The following MDGA2 variants were observed in gnomAD, a reference collection of about 807,000 sequenced individuals.
The protein encoded by MDGA2 is MAM domain-containing glycosylphosphatidylinositol anchor protein 2.
In MDGA2, 40 loss-of-function variants were observed where a neutral mutation model predicts 117.8. The ratio of observed to expected loss-of-function variants is 0.34; its 90% CI spans 0.26 to 0.44. The LOEUF (loss-of-function observed/expected upper bound fraction) is 0.44. MDGA2 is among the 20% of genes least tolerant of loss of function. MDGA2 has a pLI of 1.00. For missense variants in MDGA2, 1,123 were observed against 1,250.6 expected, an observed-to-expected ratio of 0.90 and a Z score of 1.54; for synonymous variants, 452 against 439.0, an observed-to-expected ratio of 1.03 and a Z score of -0.37.
rs1393262652 is a variant in MDGA2 at position 47,433,024 on chromosome 14, C to T, written c.281-131474G>A. ...AGAGGAATGACTCTCCAGGAGCTGT[C>T]CCTGTGGTCACATGAGGAAGGCATG... On this transcript the variant is annotated intron_variant, in intron 1 of 16. Coordinates refer to ENST00000399232, the MANE Select transcript of MDGA2 (RefSeq NM_001113498.3). Among the ~76,000 whole-genome samples, 4 of 151,980 alleles carry T rather than the reference C, an allele frequency of 2.6e-5. No homozygotes were observed. In the East Asian group the frequency reaches 7.7e-4, roughly 29 times the overall value.
chr14:46,899,563 T>C (rs1351229035), intron 10 of MDGA2, among the ~76,000 whole-genome samples: 2 of 151,146 alleles, frequency 1.3e-5, no homozygotes, highest in African/African-American at 4.9e-5. Context: ...ACCAAGAATA[T>C]GGGGCTCACA....
chr14:46,898,175 A>G (rs961550520), intron 10 of MDGA2, among the ~76,000 whole-genome samples: 1 of 152,136 alleles, frequency 6.6e-6, no homozygotes, highest in African/African-American at 2.4e-5. Flanking sequence ...ATAATCAGTA[A>G]GAAAAATATT....
intron 3 of MDGA2, among the ~76,000 whole-genome samples, chr14:47,145,684 T>C (rs998126090): frequency 6.6e-6 from 1 of 152,164 alleles, no homozygotes; most frequent in Non-Finnish European, 1.5e-5. Context: ...ATGATAATGA[T>C]ACCATATTAT....
rs1893486105 is a variant in MDGA2, at chr14:47,461,494, A to G, written c.281-159944T>C. 1.3e-5 allele frequency among the ~76,000 whole-genome samples: 2 copies of G among 152,156 alleles called. 1 individual carries two copies. The highest frequency in any genetic ancestry group is 4.1e-4 in the South Asian group (2 of 4,834). On this transcript the variant is annotated intron_variant, in intron 1 of 16. Transcript: ENST00000399232. Reference sequence around the variant, plus strand: ...GTTTTACTAACAGAATAGCACTGTGAAAAAATGGAAGCAATTTAAATTTTC... The same window carrying G: ...GTTTTACTAACAGAATAGCACTGTGGAAAAATGGAAGCAATTTAAATTTTC...
intron 1 of MDGA2, among the ~76,000 whole-genome samples, chr14:47,365,832 T>C (rs1891219810): frequency 6.6e-6 from 1 of 152,234 alleles, no homozygotes; most frequent in African/African-American, 2.4e-5. Flanking sequence ...TATTTATAGC[T>C]ATAGTATGGC....
chr14:47,464,530 C>T (rs1178259945), intron 1 of MDGA2, among the ~76,000 whole-genome samples: 2 of 152,144 alleles, frequency 1.3e-5, no homozygotes, highest in African/African-American at 2.4e-5. Flanking sequence ...CCTGCCTATG[C>T]ATCAACAACA....
intron 1 of MDGA2, 41 bp from the exon 2 acceptor site, chr14:47,301,591 G>T: frequency 6.5e-7 from 1 of 1,548,844 alleles, no homozygotes; most frequent in South Asian, 1.2e-5. Context: ...ACATGAAAAG[G>T]TAAGTCAGTG....
intron 1 of MDGA2, among the ~76,000 whole-genome samples, chr14:47,417,324 C>G (rs113349436): frequency 0.011 from 1,632 of 152,264 alleles, 34 homozygotes; most frequent in African/African-American, 0.037. Context: ...TTCTACCTTC[C>G]ATAAAACACT....
chr14:47,334,938 A>G (rs1158689260), intron 1 of MDGA2, among the ~76,000 whole-genome samples: 1 of 151,936 alleles, frequency 6.6e-6, no homozygotes, highest in African/African-American at 2.4e-5. Flanking sequence ...AAACAATGGG[A>G]ATGTGAATTG....
At chr14:46,946,165 A>T (rs768511525) in intron 9 of MDGA2, among the ~76,000 whole-genome samples, 3 of 152,058 alleles carry the variant, frequency 2.0e-5, no homozygotes, top group Admixed American at 1.3e-4. Context: ...AAACTTCTAA[A>T]TTTCCTTTCT....
intron 1 of MDGA2, among the ~76,000 whole-genome samples, chr14:47,332,886 CTAA>C (rs1890333042): frequency 1.3e-5 from 2 of 151,906 alleles, no homozygotes. Flanking sequence ...TTAGCTTCCA[CTAA>C]TAAGTGAGAA....
At chr14:47,079,700 T>G (rs1890628662) in intron 6 of MDGA2, among the ~76,000 whole-genome samples, 1 of 69,500 alleles carries the variant, frequency 1.4e-5, no homozygotes, top group Admixed American at 1.4e-4. Context: ...ATATACTGTG[T>G]TATTTGTTTC....
At chr14:47,406,915 T>C (rs964208994) in intron 1 of MDGA2, among the ~76,000 whole-genome samples, 4 of 152,090 alleles carry the variant, frequency 2.6e-5, no homozygotes, top group African/African-American at 4.8e-5. Flanking sequence ...TTATATGATG[T>C]ACAAATATAG....
At chr14:47,318,001 G>A (rs1269890431) in intron 1 of MDGA2, among the ~76,000 whole-genome samples, 1 of 152,056 alleles carries the variant, frequency 6.6e-6, no homozygotes, top group Non-Finnish European at 1.5e-5. Flanking sequence ...CATCGGAAAT[G>A]TTTCATATAC....
chr14:46,969,941 T>C lies in MDGA2; in HGVS notation c.1820-12298A>G, dbSNP rs1318720753. On this transcript the variant is annotated intron_variant, in intron 8 of 16. Transcript: ENST00000399232. ...TAGAACTTAAAGTATTCCATATATA[T>C]ATATATATATATATATATATATATA... Among the ~76,000 whole-genome samples, 25 of 20,428 alleles carry C rather than the reference T, an allele frequency of 1.2e-3. 1 individual carries two copies. The highest frequency in any genetic ancestry group is 3.0e-3 in the African/African-American group (15 of 5,036). The allele number at this position is 20,428 out of a possible 152,430, so 13.4% of individuals were successfully genotyped here. A position where few individuals can be genotyped will look rare whatever the true frequency, so the allele number is the denominator to read the frequency against.
chr14:47,348,253 G>A lies in MDGA2; in HGVS notation c.281-46703C>T, dbSNP rs888246810. The stretch of plus-strand genomic sequence containing the variant: ...TTTTTTTAAGATACAGTCTCACTCT[G>A]GAGCCCAGGCTGGAGTGCACTGGTG... On this transcript the variant is annotated intron_variant, in intron 1 of 16. Coordinates refer to ENST00000399232, the MANE Select transcript of MDGA2 (RefSeq NM_001113498.3). 2.0e-5 allele frequency among the ~76,000 whole-genome samples: 3 copies of A among 149,616 alleles called. No individual in the cohort carries two copies. In the East Asian group the frequency reaches 5.9e-4, roughly 30 times the overall value.
intron 1 of MDGA2, among the ~76,000 whole-genome samples, chr14:47,441,115 T>C (rs573353958): frequency 6.6e-6 from 1 of 152,118 alleles, no homozygotes; most frequent in Admixed American, 6.6e-5. Context: ...GTGAGACCGA[T>C]GAACTCTGAG....
At chr14:47,178,805 G>T (rs1312107135) in intron 3 of MDGA2, among the ~76,000 whole-genome samples, 1 of 152,080 alleles carries the variant, frequency 6.6e-6, no homozygotes, top group African/African-American at 2.4e-5. Context: ...AACAAATTCT[G>T]CCTGAAGGAA....
At chr14:47,210,555 C>T (rs980081301) in intron 3 of MDGA2, among the ~76,000 whole-genome samples, 1 of 152,114 alleles carries the variant, frequency 6.6e-6, no homozygotes, top group African/African-American at 2.4e-5. Context: ...TGGGAATAAG[C>T]ACATCAAAAT....
Sources: allele counts gnomAD v4.1 joint callset (sites outside exome capture counted in the v4.1 genomes callset), GRCh38; gene constraint gnomAD v4.1.1; transcripts MANE v1.5; gene names NCBI Gene and HGNC (gene_info 2026-07-23, HGNC 2026-07-21).